ABLIM1: variants seen among roughly 807,000 people sequenced by gnomAD.
ABLIM1 encodes actin binding LIM protein 1, also known as actin-binding LIM protein 1.
Under a neutral mutation model 107.0 loss-of-function variants are expected in ABLIM1, and 40 were observed. The ratio of observed to expected loss-of-function variants is 0.37; its 90% CI spans 0.29 to 0.49. The LOEUF (loss-of-function observed/expected upper bound fraction) is 0.49, where lower values mean the gene tolerates loss of function less well. ABLIM1 is among the 20% of genes least tolerant of loss of function. The pLI, the probability that ABLIM1 is intolerant of heterozygous loss-of-function variation, is 0.97. For synonymous variants in ABLIM1, 357 were observed against 357.3 expected, an observed-to-expected ratio of 1.00 and a Z score of 0.01; for missense variants, 857 against 1,008.5, an observed-to-expected ratio of 0.85 and a Z score of 2.04.
At chr10:114,598,701 T>G (rs1328516728) in intron 2 of ABLIM1, among the ~76,000 whole-genome samples, 1 of 152,196 alleles carries the variant, frequency 6.6e-6, no homozygotes, top group East Asian at 1.9e-4. Flanking sequence ...CTCAATACTT[T>G]TTATATTACT....
At chr10:114,449,926 G>T (rs914096376) in intron 14 of ABLIM1, among the ~76,000 whole-genome samples, 1 of 152,128 alleles carries the variant, frequency 6.6e-6, no homozygotes, top group Non-Finnish European at 1.5e-5. Flanking sequence ...AAAGACTTCA[G>T]TCAAAGTAAA....
At chr10:114,578,912 G>C (rs570358651) in intron 2 of ABLIM1, among the ~76,000 whole-genome samples, 1 of 147,108 alleles carries the variant, frequency 6.8e-6, no homozygotes, top group African/African-American at 2.5e-5. Flanking sequence ...TCAGCCTCCC[G>C]AGTAGCTGGG....
At chr10:114,749,038 A>C (rs1355421708) in intron 1 of ABLIM1, among the ~76,000 whole-genome samples, 1 of 152,174 alleles carries the variant, frequency 6.6e-6, no homozygotes, top group Non-Finnish European at 1.5e-5. Flanking sequence ...ATTTATGTCT[A>C]GCTCAAATAA....
At chr10:114,687,423 C>G (rs1007083577), upstream of ABLIM1, among the ~76,000 whole-genome samples, 1 of 152,180 alleles carries the variant, frequency 6.6e-6, no homozygotes, top group Non-Finnish European at 1.5e-5. Context: ...CCAAGGCCAG[C>G]AGAGGATATA....
chr10:114,711,688 A>G (rs919628126), intron 1 of ABLIM1, among the ~76,000 whole-genome samples: 2 of 152,170 alleles, frequency 1.3e-5, no homozygotes, highest in Non-Finnish European at 2.9e-5. Context: ...CTAGGCCTAA[A>G]GAGGCAAGGG....
chr10:114,594,152 A>C (rs1566041624), intron 2 of ABLIM1, among the ~76,000 whole-genome samples: 1 of 152,210 alleles, frequency 6.6e-6, no homozygotes, highest in Non-Finnish European at 1.5e-5. Context: ...GTGTTTCATC[A>C]GTTTTCTAGT....
intron 1 of ABLIM1, among the ~76,000 whole-genome samples, chr10:114,736,027 G>A (rs1278310751): frequency 6.6e-6 from 1 of 152,196 alleles, no homozygotes; most frequent in East Asian, 1.9e-4. Context: ...CATTTGTGGA[G>A]CAATATGACA....
intron 22 of ABLIM1, among the ~76,000 whole-genome samples, chr10:114,436,974 T>C (rs888186836): frequency 6.6e-6 from 1 of 152,160 alleles, no homozygotes. Flanking sequence ...ATTAAAATCA[T>C]TGGGATGGAA....
chr10:114,699,632 G>A (rs989099584), intron 1 of ABLIM1, among the ~76,000 whole-genome samples: 1 of 152,034 alleles, frequency 6.6e-6, no homozygotes, highest in Non-Finnish European at 1.5e-5. Context: ...ATTATTTAGA[G>A]TTATAAAATG....
chr10:114,463,125 C>A (rs765164521), intron 12 of ABLIM1: 2 of 1,317,642 alleles, frequency 1.5e-6, no homozygotes, highest in Non-Finnish European at 2.0e-6. Context: ...GCTGCTGGTG[C>A]GCAGGTACGA....
intron 8 of ABLIM1, among the ~76,000 whole-genome samples, chr10:114,476,534 C>T (rs1385575961): frequency 2.0e-5 from 3 of 151,860 alleles, no homozygotes; most frequent in African/African-American, 7.3e-5. Flanking sequence ...ATCCCAGCTA[C>T]TTGGGAGGCT....
chr10:114,515,215 G>A (rs574411163), intron 6 of ABLIM1, among the ~76,000 whole-genome samples: 2 of 152,276 alleles, frequency 1.3e-5, no homozygotes, highest in African/African-American at 2.4e-5. Flanking sequence ...CACAATTCCC[G>A]CAGCGGCCAT....
chr10:114,740,455 G>T (rs544677529), intron 1 of ABLIM1, among the ~76,000 whole-genome samples: 4 of 151,474 alleles, frequency 2.6e-5, no homozygotes, highest in Non-Finnish European at 5.9e-5. Context: ...CACTTCCCTC[G>T]GAAATCTTTC....
chr10:114,761,046 C>T (rs1336190184), intron 1 of ABLIM1, among the ~76,000 whole-genome samples: 1 of 152,136 alleles, frequency 6.6e-6, no homozygotes, highest in Non-Finnish European at 1.5e-5. Context: ...AGGCCAGAAA[C>T]ATGGCCCCCA....
At chr10:114,742,164 AATGAAAT>A (rs1468172884) in intron 1 of ABLIM1, among the ~76,000 whole-genome samples, 3 of 152,212 alleles carry the variant, frequency 2.0e-5, no homozygotes, top group African/African-American at 7.2e-5. Context: ...ACTTCCTTTT[AATGAAAT>A]ATGAATGCTC....
At chr10:114,694,140 G>A (rs183203116) in intron 1 of ABLIM1, among the ~76,000 whole-genome samples, 9 of 152,316 alleles carry the variant, frequency 5.9e-5, no homozygotes, top group African/African-American at 2.2e-4. Context: ...TACTCAAATT[G>A]TGAAAGAAGC....
At chr10:114,730,375 T>G (rs111736187) in intron 1 of ABLIM1, among the ~76,000 whole-genome samples, 7,947 of 134,774 alleles carry the variant, frequency 0.059, 346 homozygotes, top group African/African-American at 0.13. Flanking sequence ...TCCAGTCTGG[T>G]CAACAGTGTG....
chr10:114,739,911 T>C (rs1438727828), intron 1 of ABLIM1, among the ~76,000 whole-genome samples: 1 of 152,082 alleles, frequency 6.6e-6, no homozygotes, highest in African/African-American at 2.4e-5. Flanking sequence ...CATATTTCTA[T>C]TAATAAAACT....
At chr10:114,767,851 G>A (rs2142759588) in intron 1 of ABLIM1, among the ~76,000 whole-genome samples, 1 of 152,232 alleles carries the variant, frequency 6.6e-6, no homozygotes, top group South Asian at 2.1e-4. Flanking sequence ...GCCGACTTTG[G>A]CCCTTAGGCT....
Sources: allele counts gnomAD v4.1 joint callset (sites outside exome capture counted in the v4.1 genomes callset), GRCh38; gene constraint gnomAD v4.1.1; transcripts MANE v1.5; gene names NCBI Gene and HGNC (gene_info 2026-07-23, HGNC 2026-07-21).